The following POLE3 variants were observed in gnomAD, a reference collection of about 807,000 sequenced individuals.
POLE3 encodes the protein DNA polymerase epsilon subunit 3.
Under a neutral mutation model 16.1 loss-of-function variants are expected in POLE3, and 10 were observed. That is an observed-to-expected ratio of 0.62 (90% CI 0.38 to 1.05). POLE3 has a LOEUF of 1.05. Ranked by LOEUF, POLE3 falls within the 50% of genes least tolerant of loss-of-function variation. POLE3 has a pLI of 0.01. For synonymous variants in POLE3, 83 were observed against 71.0 expected (o/e 1.17, Z -0.85); for missense variants, 169 against 185.0 (o/e 0.91, Z 0.50).
At position 113,410,134 on chromosome 9, in the gene POLE3, C is replaced by A; in HGVS notation, c.73G>T (p.Asp25Tyr). The A allele has an allele frequency of 6.3e-7, 1 of 1,598,812 alleles. No homozygotes were observed. The highest frequency in any genetic ancestry group is 8.5e-7 in the Non-Finnish European group (1 of 1,173,178). ...GCCTCCTTGGAGATGTTGACACCGT[C>A]CGGGAGCTGCGAGGAGACCGGGGGT... ...ITRIIKEALP[D>Y]GVNISKEARS... is the part of the protein sequence containing the mutation. The change falls in exon 3 of 5, where the codon GAC becomes TAC. Residue 25 changes from aspartate to tyrosine, a missense_variant. Transcript: ENST00000374171.
rs1454182711 is a variant in POLE3, at chr9:113,408,717, A to C, written c.*94T>G. 9.6e-7 allele frequency: 1 copy of C among 1,040,408 alleles called. No individual in the cohort carries two copies. Among genetic ancestry groups the C allele is most frequent in the African/African-American group, 1.6e-5 (1 of 62,714 alleles). 64.4% of individuals were successfully genotyped at this position (1,040,408 alleles called of 1,614,324 possible). A position where few individuals can be genotyped will look rare whatever the true frequency, so the allele number is the denominator to read the frequency against. On this transcript the variant is annotated 3_prime_UTR_variant, in exon 5 of 5. Coordinates refer to ENST00000374171, the MANE Select transcript of POLE3 (RefSeq NM_017443.5). Reference sequence around the variant, plus strand: ...ATCTTTTCAGGCACTTTTGCCTGAGACTACTCTGCCCAGCATGGAAAAGCT... The same window carrying C: ...ATCTTTTCAGGCACTTTTGCCTGAGCCTACTCTGCCCAGCATGGAAAAGCT...
intron 3 of POLE3, 94 bp downstream of exon 3, chr9:113,409,961 G>A (rs1370279818): frequency 2.9e-6 from 3 of 1,031,568 alleles, no homozygotes; most frequent in African/African-American, 1.6e-5. Flanking sequence ...TGTCCCCACC[G>A]AGGGAGAACA....
rs2119031471 is a variant in POLE3 at position 113,408,209 on chromosome 9, G to T, written c.*602C>A. 1 of 152,418 alleles carries T rather than the reference G, an allele frequency of 6.6e-6. No individual in the cohort carries two copies. The allele number at this position is 152,418 out of a possible 1,614,324, so 9.4% of individuals were successfully genotyped here. On this transcript the variant is annotated 3_prime_UTR_variant, in exon 5 of 5. Coordinates refer to ENST00000374171, the MANE Select transcript of POLE3 (RefSeq NM_017443.5). Reference sequence around the variant, plus strand: ...CGATCATCTACAGGCAATATAGAAAGGTTTTGGGCCAAGTGGGTCTATGAA... The same window carrying T: ...CGATCATCTACAGGCAATATAGAAATGTTTTGGGCCAAGTGGGTCTATGAA...
rs1161079679 is a variant in POLE3, at chr9:113,408,150, TATCTGTG to T, written c.*654_*660del. 1 of 152,306 alleles carries T rather than the reference TATCTGTG, an allele frequency of 6.6e-6. No individual in the cohort carries two copies. The highest frequency in any genetic ancestry group is 6.5e-5 in the Admixed American group (1 of 15,292). 9.4% of individuals were successfully genotyped at this position (152,306 alleles called of 1,614,324 possible). A position where few individuals can be genotyped will look rare whatever the true frequency, so the allele number is the denominator to read the frequency against. On this transcript the variant is annotated 3_prime_UTR_variant, in exon 5 of 5. Coordinates refer to ENST00000374171, the MANE Select transcript of POLE3 (RefSeq NM_017443.5). ...CCATTCCACACTGCTGATTTAAGAA[TATCTGTG>T]ATCAGATTACTACCACACCAGCAGG...
In POLE3 at chr9:113,410,425, T is replaced by C. The variant is rs558500242; in HGVS notation, c.-115-17A>G. 80 of 767,412 alleles carry C rather than the reference T, an allele frequency of 1.0e-4. No homozygotes were observed. The East Asian group carries it at 2.0e-3, about 19-fold the overall frequency. The allele number at this position is 767,412 out of a possible 1,614,324, so 47.5% of individuals were successfully genotyped here. A position where few individuals can be genotyped will look rare whatever the true frequency, so the allele number is the denominator to read the frequency against. Reference sequence around the variant, plus strand: ...CCACGTGGCCTACAGTGTCCCACAGTGCTCTGAGCGCCATAGCCTCCCTCC... The same window carrying C: ...CCACGTGGCCTACAGTGTCCCACAGCGCTCTGAGCGCCATAGCCTCCCTCC... On this transcript the variant is annotated splice_polypyrimidine_tract_variant and intron_variant, in intron 1 of 4. Coordinates refer to ENST00000374171, the MANE Select transcript of POLE3 (RefSeq NM_017443.5).
intron 1 of POLE3, 90 bp downstream of exon 1, chr9:113,410,527 G>A (rs1415494965): frequency 3.4e-6 from 2 of 595,422 alleles, no homozygotes; most frequent in African/African-American, 3.7e-5. Context: ...GGCCCGCCAA[G>A]GCTTCCATCC....
rs750705164 is a variant in POLE3 at position 113,410,216 on chromosome 9, C to A, written c.66+12G>T. The A allele has an allele frequency of 6.2e-7, 1 of 1,613,450 alleles. No homozygotes were observed. Among genetic ancestry groups the A allele is most frequent in the Non-Finnish European group, 8.5e-7 (1 of 1,179,844 alleles). ...CTCCTGCCCGTTCGTCCGCCCCCCC[C>A]GAGCTGCTCACCGCCTCCTTGATGA... On this transcript the variant is annotated intron_variant, in intron 2 of 4. Transcript: ENST00000374171.
At position 113,407,298 on chromosome 9, in the gene POLE3, A is replaced by G. The variant is rs896578527; in HGVS notation, c.*1513T>C. On this transcript the variant is annotated 3_prime_UTR_variant, in exon 5 of 5. Coordinates refer to ENST00000374171, the MANE Select transcript of POLE3 (RefSeq NM_017443.5). ...TCTTCTCAGCATTCTTCACTCACAA[A>G]CTTTTCACTGTATTTAACAAGTTAA... 2.0e-5 allele frequency: 3 copies of G among 152,438 alleles called. No individual in the cohort carries two copies. Among genetic ancestry groups the G allele is most frequent in the Admixed American group, 2.0e-4 (3 of 15,282 alleles). 9.4% of individuals were successfully genotyped at this position (152,438 alleles called of 1,614,324 possible). A position where few individuals can be genotyped will look rare whatever the true frequency, so the allele number is the denominator to read the frequency against.
rs1564392196 is a variant in POLE3 at position 113,410,208 on chromosome 9, G to A, written c.66+20C>T. The stretch of plus-strand genomic sequence containing the variant: ...CTGCTTCCCTCCTGCCCGTTCGTCC[G>A]CCCCCCCCGAGCTGCTCACCGCCTC... On this transcript the variant is annotated intron_variant, in intron 2 of 4. Coordinates refer to ENST00000374171, the MANE Select transcript of POLE3 (RefSeq NM_017443.5). 1.9e-6 allele frequency: 3 copies of A among 1,608,892 alleles called. No individual in the cohort carries two copies. Among genetic ancestry groups the A allele is most frequent in the African/African-American group, 2.7e-5 (2 of 74,640 alleles).
intron 2 of POLE3, 27 bp from the exon 3 acceptor site, chr9:113,410,167 G>A (rs1217540004): frequency 1.9e-6 from 3 of 1,606,228 alleles, no homozygotes; most frequent in Non-Finnish European, 1.7e-6. Context: ...GGTGAGCAAA[G>A]CTGCCGTTCC....
At chr9:113,409,575 C>G in intron 4 of POLE3, 35 bp downstream of exon 4, 1 of 1,276,562 alleles carries the variant, frequency 7.8e-7, no homozygotes, top group East Asian at 2.3e-5. Flanking sequence ...GGATGACCAT[C>G]TTCTATGTGG....
At chr9:113,409,273 T>C (rs760521646) in intron 4 of POLE3, among the ~76,000 whole-genome samples, 8 of 149,912 alleles carry the variant, frequency 5.3e-5, no homozygotes, top group Non-Finnish European at 1.0e-4. Flanking sequence ...GGCAGGAGAA[T>C]TGCTTGAACC....
chr9:113,409,476 A>T, intron 4 of POLE3, 134 bp downstream of exon 4: 1 of 650,512 alleles, frequency 1.5e-6, no homozygotes, highest in Middle Eastern at 4.3e-4. Context: ...GTGCCCACCG[A>T]ACTGGGTCGA....
chr9:113,410,348 T>C lies in POLE3; in HGVS notation c.-55A>G. ...GCCTCCGCTTCAGGGAGCTACTGCG[T>C]CCGGACTTCCCGCGTCGCTACGGTC... On this transcript the variant is annotated 5_prime_UTR_variant, in exon 2 of 5. Transcript: ENST00000374171. 2 of 1,530,188 alleles carry C rather than the reference T, an allele frequency of 1.3e-6. No individual in the cohort carries two copies. Among genetic ancestry groups the C allele is most frequent in the Non-Finnish European group, 1.8e-6 (2 of 1,115,612 alleles). 94.8% of individuals were successfully genotyped at this position (1,530,188 alleles called of 1,614,324 possible).
chr9:113,409,133 G>C (rs1386347329), intron 4 of POLE3, 150 bp from the exon 5 acceptor site: 1 of 635,698 alleles, frequency 1.6e-6, no homozygotes, highest in East Asian at 2.8e-5. Flanking sequence ...AGGCTGAGAC[G>C]GGCGGATCAC....
Position 113,409,683 on chromosome 9 carries a change from G to T in POLE3, c.198C>A (p.Ala66=). The T allele has an allele frequency of 6.2e-7, 1 of 1,613,706 alleles. No homozygotes were observed. The highest frequency in any genetic ancestry group is 8.5e-7 in the Non-Finnish European group (1 of 1,179,650). The change falls in exon 4 of 5, where the codon GCC becomes GCA. Residue 66 remains alanine (A), a synonymous_variant. Transcript: ENST00000374171. ...CTTCCATGGCTGAGAGCACATCACT[G>T]GCATTCAGCGTCTTCCGCTTTCCTT... ...AMKGKRKTLN[A]SDVLSAMEEM...
chr9:113,410,565 C>T lies in POLE3; in HGVS notation c.-116+52G>A, dbSNP rs1322599160. ...CCCTACCGCACCCCGCACGCCCCTC[C>T]CCAGGTCCATTTCTCTGCTTCTCGC... On this transcript the variant is annotated intron_variant, in intron 1 of 4. Coordinates refer to ENST00000374171, the MANE Select transcript of POLE3 (RefSeq NM_017443.5). 16 of 555,610 alleles carry T rather than the reference C, an allele frequency of 2.9e-5. 1 individual carries two copies. The highest frequency in any genetic ancestry group is 8.7e-5 in the East Asian group (3 of 34,292). 34.4% of individuals were successfully genotyped at this position (555,610 alleles called of 1,614,324 possible).
rs1298737233 is a variant in POLE3, at chr9:113,410,006, C to T, written c.152+49G>A. 4.8e-6 allele frequency: 7 copies of T among 1,472,390 alleles called. No homozygotes were observed. The Admixed American group carries it at 5.9e-5, about 12-fold the overall frequency. The allele number at this position is 1,472,390 out of a possible 1,614,324, so 91.2% of individuals were successfully genotyped here. On this transcript the variant is annotated intron_variant, in intron 3 of 4. Transcript: ENST00000374171. ...GGGTTTGTAGGCTCCCAGCCAGCAA[C>T]TCCCAGCCAGGTATCCCCGCGCCTC...
At chr9:113,409,977 G>T in intron 3 of POLE3, 78 bp downstream of exon 3, 1 of 1,199,268 alleles carries the variant, frequency 8.3e-7, no homozygotes, top group Non-Finnish European at 1.2e-6. Flanking sequence ...GAACACAATC[G>T]TTGGGGTTTG....
Sources: allele counts gnomAD v4.1 joint callset (sites outside exome capture counted in the v4.1 genomes callset), GRCh38; gene constraint gnomAD v4.1.1; transcripts MANE v1.5; gene names NCBI Gene and HGNC (gene_info 2026-07-23, HGNC 2026-07-21).